The following DCDC2 variants were observed in gnomAD, a reference collection of about 807,000 sequenced individuals.
DCDC2 encodes doublecortin domain-containing protein 2.
DCDC2 carries 40 observed loss-of-function variants against 50.2 expected under a neutral mutation model. The ratio of observed to expected loss-of-function variants is 0.80; its 90% CI spans 0.62 to 1.04. The LOEUF is 1.04. Ranked by LOEUF, DCDC2 falls within the 50% of genes least tolerant of loss-of-function variation. The pLI, the probability that DCDC2 is intolerant of heterozygous loss-of-function variation, is 0.00. For synonymous variants in DCDC2, 234 were observed against 210.6 expected (o/e 1.11, Z -0.96); for missense variants, 570 against 581.9 (o/e 0.98, Z 0.21).
intron 8 of DCDC2, among the ~76,000 whole-genome samples, chr6:24,199,614 G>A (rs1276550363): frequency 6.6e-6 from 1 of 152,114 alleles, no homozygotes; most frequent in East Asian, 1.9e-4. Flanking sequence ...TCCTCCAAAG[G>A]ATCACAACTC....
intron 7 of DCDC2, among the ~76,000 whole-genome samples, chr6:24,257,776 G>A (rs1196707577): frequency 6.6e-6 from 1 of 152,038 alleles, no homozygotes; most frequent in African/African-American, 2.4e-5. Flanking sequence ...AGAGCACTCT[G>A]GCAGAGCTGT....
intron 7 of DCDC2, among the ~76,000 whole-genome samples, chr6:24,231,672 G>A (rs1412241382): frequency 6.6e-6 from 1 of 152,028 alleles, no homozygotes; most frequent in Non-Finnish European, 1.5e-5. Context: ...AAATGGTGAA[G>A]AGGGGGAGGG....
At chr6:24,247,807 G>A (rs1308841925) in intron 7 of DCDC2, among the ~76,000 whole-genome samples, 3 of 152,228 alleles carry the variant, frequency 2.0e-5, no homozygotes, top group Non-Finnish European at 4.4e-5. Context: ...ATGTGTGGTG[G>A]CTCACGCCTT....
chr6:24,300,050 C>G (rs779058726), intron 4 of DCDC2, among the ~76,000 whole-genome samples: 3 of 151,972 alleles, frequency 2.0e-5, no homozygotes, highest in Non-Finnish European at 2.9e-5. Context: ...TGTTTGTATA[C>G]ATGTATTTAT....
chr6:24,370,850 T>A, the DCDC2 span, among the ~76,000 whole-genome samples: 1 of 152,180 alleles, frequency 6.6e-6, no homozygotes, highest in Non-Finnish European at 1.5e-5. Context: ...AACTCATGTG[T>A]CCATCAATTG....
intron 6 of DCDC2, among the ~76,000 whole-genome samples, chr6:24,286,873 C>T (rs1237724921): frequency 6.6e-6 from 1 of 152,156 alleles, no homozygotes. Context: ...TCACACAAAT[C>T]CTTTGTTCCT....
intron 7 of DCDC2, among the ~76,000 whole-genome samples, chr6:24,219,366 T>C (rs927427643): frequency 2.0e-5 from 3 of 152,232 alleles, no homozygotes; most frequent in African/African-American, 7.2e-5. Flanking sequence ...AACAACTTTA[T>C]GAACTACTAG....
intron 8 of DCDC2, among the ~76,000 whole-genome samples, chr6:24,192,227 C>A: frequency 6.6e-6 from 1 of 152,086 alleles, no homozygotes; most frequent in Non-Finnish European, 1.5e-5. Context: ...AGTCAGATCC[C>A]AAAATGTTGA....
chr6:24,237,977 T>C (rs1762483242), intron 7 of DCDC2, among the ~76,000 whole-genome samples: 1 of 150,074 alleles, frequency 6.7e-6, no homozygotes, highest in Non-Finnish European at 1.5e-5. Flanking sequence ...GTACTATACT[T>C]ACTACCCAAG....
At chr6:24,185,292 C>G (rs1362591776) in intron 8 of DCDC2, among the ~76,000 whole-genome samples, 1 of 152,134 alleles carries the variant, frequency 6.6e-6, no homozygotes. Flanking sequence ...ATGCTTTCAT[C>G]CCATTATTTC....
chr6:24,297,840 G>A (rs1759285906), intron 4 of DCDC2, among the ~76,000 whole-genome samples: 1 of 152,084 alleles, frequency 6.6e-6, no homozygotes, highest in African/African-American at 2.4e-5. Flanking sequence ...CTTGGAGTAA[G>A]GAAGATCTAA....
At chr6:24,342,200 G>A (rs771212438) in intron 2 of DCDC2, among the ~76,000 whole-genome samples, 10 of 152,156 alleles carry the variant, frequency 6.6e-5, no homozygotes, top group Non-Finnish European at 7.3e-5. Context: ...TGCTATGTCC[G>A]TCCAGGGTGC....
At chr6:24,201,097 G>A (rs1195730259) in intron 8 of DCDC2, among the ~76,000 whole-genome samples, 3 of 103,214 alleles carry the variant, frequency 2.9e-5, no homozygotes, top group South Asian at 2.7e-4. Context: ...ACAGATCAAC[G>A]AGACAGAACA....
chr6:24,233,719 G>C (rs182767591), intron 7 of DCDC2, among the ~76,000 whole-genome samples: 2 of 152,258 alleles, frequency 1.3e-5, no homozygotes, highest in African/African-American at 4.8e-5. Context: ...AGCTCTTAAT[G>C]ATGAAATAAT....
intron 7 of DCDC2, among the ~76,000 whole-genome samples, chr6:24,264,704 AGAG>A (rs1763080952): frequency 6.7e-6 from 1 of 149,552 alleles, no homozygotes; most frequent in African/African-American, 2.5e-5. Flanking sequence ...GGAAGACAGA[AGAG>A]AAGAGAAGAT....
chr6:24,326,169 GGAAGGAA>G (rs1759856120), intron 2 of DCDC2, among the ~76,000 whole-genome samples: 2 of 127,458 alleles, frequency 1.6e-5, no homozygotes, highest in Non-Finnish European at 3.5e-5. Flanking sequence ...AGGAAGGAAA[GGAAGGAA>G]GGAAGGAAGG....
At chr6:24,325,138 C>CTGCCTCAGCCTCCTGAGT (rs1554119171) in intron 2 of DCDC2, among the ~76,000 whole-genome samples, 2 of 150,152 alleles carry the variant, frequency 1.3e-5, no homozygotes, top group South Asian at 2.2e-4. Context: ...CCAGAATCTC[C>CTGCCTCAGCCTCCTGAGT]AGAGCCCCGT....
At position 24,210,048 on chromosome 6, in the gene DCDC2, G is replaced by C. The variant is rs961589758; in HGVS notation, c.923-4946C>G. Among the ~76,000 whole-genome samples, 430 of 137,318 alleles carry C rather than the reference G, an allele frequency of 3.1e-3. 3 individuals are homozygous for C. The highest frequency in any genetic ancestry group is 0.012 in the African/African-American group (413 of 33,322). 90.1% of individuals were successfully genotyped at this position (137,318 alleles called of 152,430 possible). On this transcript the variant is annotated intron_variant, in intron 7 of 9. Coordinates refer to ENST00000378454, the MANE Select transcript of DCDC2 (RefSeq NM_016356.5). ...TGTGTGTGTGTGTGTGTGTGTGTGT[G>C]TGTGTGTCTGTCTGTCTGTCTGTCT...
chr6:24,283,371 G>GCTCCCTGACCAACCCAGTTACGCAC (rs1554116049), intron 6 of DCDC2, among the ~76,000 whole-genome samples: 2 of 151,824 alleles, frequency 1.3e-5, no homozygotes, highest in Non-Finnish European at 2.9e-5. Context: ...CATTCCCCAG[G>GCTCCCTGACCAACCCAGTTACGCAC]CTCCCTGACC....
Sources: allele counts gnomAD v4.1 joint callset (sites outside exome capture counted in the v4.1 genomes callset), GRCh38; gene constraint gnomAD v4.1.1; transcripts MANE v1.5; gene names NCBI Gene and HGNC (gene_info 2026-07-23, HGNC 2026-07-21).